Variants in REV3L observed in about 807,000 individuals in gnomAD.
The protein encoded by REV3L is DNA polymerase zeta catalytic subunit.
Under a neutral mutation model 299.4 loss-of-function variants are expected in REV3L, and 69 were observed. That is an observed-to-expected ratio of 0.23 (90% CI 0.19 to 0.28). The LOEUF is 0.28. Ranked by LOEUF, REV3L falls within the 10% of genes least tolerant of loss-of-function variation. REV3L has a pLI of 1.00. For missense variants in REV3L, 3,128 were observed against 3,693.8 expected (o/e 0.85, Z 3.97); for synonymous variants, 1,238 against 1,271.4 (o/e 0.97, Z 0.56).
intron 4 of REV3L, among the ~76,000 whole-genome samples, chr6:111,397,335 T>C: frequency 6.6e-6 from 1 of 152,174 alleles, no homozygotes; most frequent in African/African-American, 2.4e-5. Flanking sequence ...CAAGAAATTT[T>C]TAAATTTCCT....
At chr6:111,351,252 CAG>C (rs1777538050) in intron 19 of REV3L, among the ~76,000 whole-genome samples, 1 of 151,238 alleles carries the variant, frequency 6.6e-6, no homozygotes, top group Non-Finnish European at 1.5e-5. Flanking sequence ...TTAAAAAAAA[CAG>C]AGGCAGACAA....
At position 111,399,741 on chromosome 6, in the gene REV3L, G is replaced by A. The variant is rs182859496; in HGVS notation, c.565+5729C>T. ...ACCTTTGTTATCACATCACATGAGG[G>A]GCCACATGACACCCACATGACATAA... is the stretch of plus-strand genomic sequence containing the variant. On this transcript the variant is annotated intron_variant, in intron 4 of 31. Coordinates refer to ENST00000368802, the MANE Select transcript of REV3L (RefSeq NM_001372078.1). 2.4e-3 allele frequency among the ~76,000 whole-genome samples: 368 copies of A among 151,940 alleles called. 1 individual carries two copies. The highest frequency in any genetic ancestry group is 8.4e-3 in the African/African-American group (350 of 41,476).
At chr6:111,441,676 T>A (rs1269566663) in intron 1 of REV3L, among the ~76,000 whole-genome samples, 3 of 152,248 alleles carry the variant, frequency 2.0e-5, no homozygotes, top group Non-Finnish European at 1.5e-5. Context: ...GAGTTAAGAC[T>A]GTCATGTTTA....
At chr6:111,448,125 C>CT (rs1789074589) in intron 1 of REV3L, among the ~76,000 whole-genome samples, 1 of 152,086 alleles carries the variant, frequency 6.6e-6, no homozygotes, top group African/African-American at 2.4e-5. Flanking sequence ...GGTATAAGGA[C>CT]TAGAGCTGAA....
At chr6:111,450,604 C>CA (rs1049530726) in intron 1 of REV3L, among the ~76,000 whole-genome samples, 4 of 146,668 alleles carry the variant, frequency 2.7e-5, no homozygotes, top group Admixed American at 1.4e-4. Context: ...ATACAATTAC[C>CA]AAAAAAACAA....
chr6:111,359,783 C>T (rs909978030), intron 16 of REV3L, among the ~76,000 whole-genome samples: 3 of 152,126 alleles, frequency 2.0e-5, no homozygotes, highest in Non-Finnish European at 4.4e-5. Flanking sequence ...TTATCATGTA[C>T]ATGTACCTGG....
chr6:111,396,952 T>C (rs1249012090), intron 4 of REV3L, among the ~76,000 whole-genome samples: 1 of 152,136 alleles, frequency 6.6e-6, no homozygotes, highest in African/African-American at 2.4e-5. Context: ...CTGATGATCC[T>C]CTCTATTTGT....
At chr6:111,365,405 A>C in intron 14 of REV3L, 61 bp from the exon 15 acceptor site, 9 of 972,478 alleles carry the variant, frequency 9.3e-6, no homozygotes, top group Non-Finnish European at 1.4e-5. Flanking sequence ...TGGTTTTTAA[A>C]AAACCTTTTG....
chr6:111,388,126 A>T (rs767775793), intron 7 of REV3L, 41 bp from the exon 8 acceptor site: 16 of 1,327,336 alleles, frequency 1.2e-5, no homozygotes, highest in Non-Finnish European at 1.7e-5. Flanking sequence ...TAAATAGCAA[A>T]TGAATGAAAT....
chr6:111,302,620 C>T (rs1456033320), intron 31 of REV3L, among the ~76,000 whole-genome samples: 1 of 152,098 alleles, frequency 6.6e-6, no homozygotes, highest in African/African-American at 2.4e-5. Context: ...AAAATTTAGT[C>T]AAGGCTGGGC....
intron 21 of REV3L, among the ~76,000 whole-genome samples, chr6:111,338,312 CTTTTTTTTTT>C (rs144497761): frequency 1.8e-3 from 84 of 47,878 alleles, no homozygotes; most frequent in African/African-American, 9.6e-3. Flanking sequence ...GTCTAAAGTC[CTTTTTTTTTT>C]TTTTTTTTTT....
In REV3L at chr6:111,367,862, C is replaced by G. The variant is rs1779386046; in HGVS notation, c.5926G>C (p.Val1976Leu). 1 of 1,614,006 alleles carries G rather than the reference C, an allele frequency of 6.2e-7. No homozygotes were observed. The highest frequency in any genetic ancestry group is 1.7e-5 in the Admixed American group (1 of 60,014). ...GGGCTATTACTTGACCCTTTATTGA[C>G]AACTCCTTGGCCACTGCGAAGGGGT... The part of the protein sequence containing the change: ...GSPLRSGQGV[V>L]NKGSSNSPKM... Residue 1976 changes from valine (V) to leucine (L), a missense_variant, in exon 14 of 32, where the codon GTC becomes CTC. By Grantham distance (32) the Val-to-Leu change is conservative. Coordinates refer to ENST00000368802, the MANE Select transcript of REV3L (RefSeq NM_001372078.1).
rs183594380 is a variant in REV3L at position 111,374,260 on chromosome 6, T to A, written c.4095A>T (p.Leu1365Phe). The change falls in exon 13 of 32, where the codon TTA (leucine) becomes TTT (phenylalanine). Residue 1365 changes from leucine to phenylalanine, a missense_variant. Leu to Phe is a conservative substitution (Grantham distance 22). Around this residue, in one of 9 missense-constraint regions of REV3L, gnomAD observed 2,409 missense variants for 2,611.8 expected, o/e 0.92. Transcript: ENST00000368802. ...TCTGTGTATTCTGTGCTACCTGAGA[T>A]AAATGATTGGAAAGGTCAAATATAT... The part of the protein sequence containing the change: ...QKNIFDLSNH[L>F]SQVAQNTQIS... 11 of 1,613,672 alleles carry A rather than the reference T, an allele frequency of 6.8e-6. No individual in the cohort carries two copies. The highest frequency in any genetic ancestry group is 1.7e-4 in the Middle Eastern group (1 of 6,060).
chr6:111,357,266 G>A (rs1778186975), intron 17 of REV3L, 141 bp from the exon 18 acceptor site: 1 of 328,502 alleles, frequency 3.0e-6, no homozygotes, highest in South Asian at 1.5e-4. Flanking sequence ...CTCCCCAAGT[G>A]AAAACATAAC....
chr6:111,374,216 G>C lies in REV3L; in HGVS notation c.4139C>G (p.Ser1380Ter). 1 of 1,613,732 alleles carries C rather than the reference G, an allele frequency of 6.2e-7. No individual in the cohort carries two copies. Among genetic ancestry groups the C allele is most frequent in the Non-Finnish European group, 8.5e-7 (1 of 1,179,722 alleles). ...ATTATTTGCATTATCTTCTATCTTT[G>C]AGGACATACCAGAAGATATCTGTGT... Reference protein sequence around the residue: ...QNTQISSGMSSKIEDNANNIQ... With the variant: ...QNTQISSGMS The change falls in exon 13 of 32, where the codon TCA becomes TGA. Residue 1380 changes from serine to a stop codon, truncating the protein, a stop_gained. Coordinates refer to ENST00000368802, the MANE Select transcript of REV3L (RefSeq NM_001372078.1). LOFTEE classifies it high-confidence loss of function.
chr6:111,308,186 T>G (rs1485539614), intron 30 of REV3L: 1 of 429,708 alleles, frequency 2.3e-6, no homozygotes. Flanking sequence ...AGTCTATCAT[T>G]GATGGACATT....
At chr6:111,422,631 CACATATAT>C (rs1785599424) in intron 1 of REV3L, among the ~76,000 whole-genome samples, 2 of 12,732 alleles carry the variant, frequency 1.6e-4, no homozygotes, top group Admixed American at 1.1e-3. Context: ...TATATATATA[CACATATAT>C]ATATATATAC....
chr6:111,464,604 T>A (rs1791198313), intron 1 of REV3L, among the ~76,000 whole-genome samples: 1 of 151,964 alleles, frequency 6.6e-6, no homozygotes, highest in African/African-American at 2.4e-5. Flanking sequence ...TAAATGGAAC[T>A]CTTAAGAGAT....
chr6:111,383,460 T>C (rs141886029), intron 9 of REV3L, among the ~76,000 whole-genome samples: 6 of 152,360 alleles, frequency 3.9e-5, no homozygotes, highest in African/African-American at 7.2e-5. Context: ...CATTTCTATA[T>C]GCCAACAGTG....
Sources: allele counts gnomAD v4.1 joint callset (sites outside exome capture counted in the v4.1 genomes callset), GRCh38; gene constraint gnomAD v4.1.1; regional missense constraint gnomAD v4.1.1; transcripts MANE v1.5; gene names NCBI Gene and HGNC (gene_info 2026-07-23, HGNC 2026-07-21).